Variants in KCNIP1 observed in about 807,000 individuals in gnomAD.
The protein encoded by KCNIP1 is potassium voltage-gated channel interacting protein 1, also known as A-type potassium channel modulatory protein KCNIP1.
Under a neutral mutation model 33.0 loss-of-function variants are expected in KCNIP1, and 18 were observed. The ratio of observed to expected loss-of-function variants is 0.55; its 90% CI spans 0.38 to 0.81. The LOEUF (loss-of-function observed/expected upper bound fraction) is 0.81, where lower values mean the gene tolerates loss of function less well. Among genes scored for constraint, KCNIP1 ranks in the 30% least tolerant of loss-of-function variants. KCNIP1 has a pLI of 0.00. For synonymous variants in KCNIP1, 93 were observed against 98.3 expected, an observed-to-expected ratio of 0.95 and a Z score of 0.32; for missense variants, 238 against 271.6, an observed-to-expected ratio of 0.88 and a Z score of 0.87.
At chr5:170,715,196 G>T (rs113620956) in intron 1 of KCNIP1, among the ~76,000 whole-genome samples, 3 of 152,212 alleles carry the variant, frequency 2.0e-5, no homozygotes, top group African/African-American at 4.8e-5. Flanking sequence ...CACTGTACAG[G>T]TTTATAGCCT....
intron 1 of KCNIP1, among the ~76,000 whole-genome samples, chr5:170,655,948 C>G (rs994429033): frequency 2.0e-5 from 3 of 152,180 alleles, no homozygotes; most frequent in Non-Finnish European, 2.9e-5. Flanking sequence ...CTGGAAAGGC[C>G]TTGGGCCCCA....
rs377083367 is a variant in KCNIP1, at chr5:170,483,087, G to A, written c.88+129123G>A. ...GGAGTCAAAAGTGGAACTGGGGCCC[G>A]CAGAGCCGGATAGCTTGGGCAGTAC... On this transcript the variant is annotated intron_variant, in intron 1 of 7. Transcript: ENST00000377360. The A allele has an allele frequency of 5.9e-5, 27 of 454,080 alleles. 1 individual carries two copies. Among genetic ancestry groups the A allele is most frequent in the Admixed American group, 3.1e-4 (13 of 42,310 alleles). The allele number at this position is 454,080 out of a possible 1,614,324, so 28.1% of individuals were successfully genotyped here.
chr5:170,584,858 T>C (rs1484443692), intron 1 of KCNIP1, among the ~76,000 whole-genome samples: 1 of 151,968 alleles, frequency 6.6e-6, no homozygotes, highest in Non-Finnish European at 1.5e-5. Flanking sequence ...AGGCTAACAT[T>C]CTCCCATCCT....
intron 1 of KCNIP1, among the ~76,000 whole-genome samples, chr5:170,615,723 C>T (rs1436403895): frequency 2.0e-5 from 3 of 152,200 alleles, no homozygotes; most frequent in Non-Finnish European, 4.4e-5. Flanking sequence ...ACCACTCATA[C>T]ACTGGGACCT....
At chr5:170,700,724 G>A (rs1191125061) in intron 1 of KCNIP1, among the ~76,000 whole-genome samples, 5 of 152,208 alleles carry the variant, frequency 3.3e-5, no homozygotes, top group Non-Finnish European at 7.3e-5. Context: ...CGGGACACCT[G>A]TGGCACACTT....
Position 170,650,605 on chromosome 5 carries a change from T to C in KCNIP1, c.62-68153T>C, listed in dbSNP as rs1367425313. Reference sequence around the variant, plus strand: ...TATAGACAATTCCAACTTTTGACTATTACAAATAAAGCTACTATGCCATTC... The same window carrying C: ...TATAGACAATTCCAACTTTTGACTACTACAAATAAAGCTACTATGCCATTC... On this transcript the variant is annotated intron_variant, in intron 1 of 7. Transcript: ENST00000328939. Among the ~76,000 whole-genome samples, 3 of 152,360 alleles carry C rather than the reference T, an allele frequency of 2.0e-5. No homozygotes were observed. The East Asian group carries it at 5.8e-4, about 29-fold the overall frequency.
intron 1 of KCNIP1, among the ~76,000 whole-genome samples, chr5:170,673,638 A>G (rs1339757533): frequency 6.6e-6 from 1 of 152,210 alleles, no homozygotes; most frequent in Non-Finnish European, 1.5e-5. Context: ...TTGAGAAGAC[A>G]TGTGTAAGGT....
rs191520870 is a variant in KCNIP1 at position 170,381,379 on chromosome 5, C to T, written c.88+27415C>T. 4.1e-3 allele frequency among the ~76,000 whole-genome samples: 624 copies of T among 152,346 alleles called. 1 individual carries two copies. The highest frequency in any genetic ancestry group is 6.7e-3 in the Non-Finnish European group (454 of 68,028). On this transcript the variant is annotated intron_variant, in intron 1 of 7. Transcript: ENST00000377360. ...CTCACCTGCTCCAGGCTAAGACTCACAGGAAAAGCTGAGGGCAGACTATGG... is the reference window on the plus strand; with the variant it reads ...CTCACCTGCTCCAGGCTAAGACTCATAGGAAAAGCTGAGGGCAGACTATGG...
intron 1 of KCNIP1, among the ~76,000 whole-genome samples, chr5:170,546,577 A>G (rs1270109971): frequency 6.6e-6 from 1 of 152,200 alleles, no homozygotes; most frequent in Non-Finnish European, 1.5e-5. Context: ...AGTTGCCCAC[A>G]GGGAAGAAAA....
At chr5:170,527,703 G>A (rs1755631976) in intron 1 of KCNIP1, among the ~76,000 whole-genome samples, 1 of 150,542 alleles carries the variant, frequency 6.6e-6, no homozygotes. Context: ...GTTCTGATGT[G>A]GGAGAGTCAC....
At chr5:170,650,793 T>G (rs1255162352) in intron 1 of KCNIP1, among the ~76,000 whole-genome samples, 1 of 152,192 alleles carries the variant, frequency 6.6e-6, no homozygotes, top group Non-Finnish European at 1.5e-5. Context: ...AGCTCTCCAT[T>G]AATAAATTGG....
chr5:170,516,436 G>A (rs1755124009), intron 1 of KCNIP1, among the ~76,000 whole-genome samples: 1 of 152,136 alleles, frequency 6.6e-6, no homozygotes, highest in East Asian at 1.9e-4. Flanking sequence ...GAGCATCCCA[G>A]GACAGTACTG....
intron 1 of KCNIP1, among the ~76,000 whole-genome samples, chr5:170,695,274 A>G (rs193272426): frequency 1.3e-5 from 2 of 152,342 alleles, no homozygotes; most frequent in Admixed American, 6.5e-5. Flanking sequence ...TCATCCAGAC[A>G]GTTGCAACAC....
intron 1 of KCNIP1, among the ~76,000 whole-genome samples, chr5:170,411,102 C>T (rs1177409035): frequency 3.9e-5 from 6 of 152,364 alleles, no homozygotes; most frequent in African/African-American, 1.4e-4. Flanking sequence ...CTCTATGTTG[C>T]CCTCAAGGAG....
chr5:170,520,711 C>T (rs1448735760), intron 1 of KCNIP1, among the ~76,000 whole-genome samples: 1 of 152,188 alleles, frequency 6.6e-6, no homozygotes, highest in Non-Finnish European at 1.5e-5. Context: ...AAACCCTCCT[C>T]ACTCTCGCCC....
chr5:170,703,635 A>G (rs1272078168), intron 1 of KCNIP1, among the ~76,000 whole-genome samples: 1 of 137,348 alleles, frequency 7.3e-6, no homozygotes, highest in Non-Finnish European at 1.5e-5. Context: ...TTAAAAAATA[A>G]AAGAAGTGAA....
chr5:170,634,435 G>A (rs1421891864), intron 1 of KCNIP1, among the ~76,000 whole-genome samples: 1 of 152,208 alleles, frequency 6.6e-6, no homozygotes, highest in Admixed American at 6.5e-5. Flanking sequence ...ATTTCCAACA[G>A]CTTCCCAAGT....
At chr5:170,473,972 C>T (rs528503108) in intron 1 of KCNIP1, among the ~76,000 whole-genome samples, 2 of 152,248 alleles carry the variant, frequency 1.3e-5, no homozygotes, top group Non-Finnish European at 2.9e-5. Context: ...CTGCGTTGGG[C>T]GTCAGGACAC....
intron 1 of KCNIP1, among the ~76,000 whole-genome samples, chr5:170,643,457 G>A (rs1322512986): frequency 6.6e-6 from 1 of 152,234 alleles, no homozygotes; most frequent in Non-Finnish European, 1.5e-5. Flanking sequence ...TCTCTGCTCT[G>A]CAGTGTGCTG....
Sources: allele counts gnomAD v4.1 joint callset (sites outside exome capture counted in the v4.1 genomes callset), GRCh38; gene constraint gnomAD v4.1.1; transcripts MANE v1.5; gene names NCBI Gene and HGNC (gene_info 2026-07-23, HGNC 2026-07-21).